The following NDEL1 variants were observed in gnomAD, a reference collection of about 807,000 sequenced individuals.
NDEL1 encodes nuclear distribution protein nudE-like 1.
NDEL1 carries 9 observed loss-of-function variants against 45.7 expected under a neutral mutation model. That is an observed-to-expected ratio of 0.20 (90% CI 0.12 to 0.34). The LOEUF (loss-of-function observed/expected upper bound fraction) is 0.34. Ranked by LOEUF, NDEL1 falls within the 10% of genes least tolerant of loss-of-function variation. The pLI, the probability that NDEL1 is intolerant of heterozygous loss-of-function variation, is 1.00. For missense variants in NDEL1, 306 were observed against 406.2 expected (o/e 0.75, Z 2.12); for synonymous variants, 133 against 158.6 (o/e 0.84, Z 1.21).
At chr17:8,460,770 A>G (rs913223916) in intron 8 of NDEL1, among the ~76,000 whole-genome samples, 1 of 152,202 alleles carries the variant, frequency 6.6e-6, no homozygotes, top group Non-Finnish European at 1.5e-5. Context: ...CATTCCTTAC[A>G]GTTATTCCAA....
chr17:8,467,047 T>C lies in NDEL1; in HGVS notation c.*24T>C. The C allele has an allele frequency of 6.2e-7, 1 of 1,611,288 alleles. No individual in the cohort carries two copies. ...GAGTGCCTAGCCTCCAGGTGGGGGC[T>C]CCTGCCCTCCTCCAACAACCCAGGA... On this transcript the variant is annotated 3_prime_UTR_variant, in exon 9 of 9. Coordinates refer to ENST00000334527, the MANE Select transcript of NDEL1 (RefSeq NM_030808.5). The surrounding 1 kb of genome is among the most constrained non-coding windows in gnomAD (Gnocchi z 6.3).
rs969135695 is a variant in NDEL1, at chr17:8,465,150, C to T, written c.945-1780C>T. ...CATTTGTGGGGCCTGCCTGGTTGTC[C>T]CTGAGGTTTCTAGGAGAAGCAGGTG... On this transcript the variant is annotated intron_variant, in intron 8 of 8. Coordinates refer to ENST00000334527, the MANE Select transcript of NDEL1 (RefSeq NM_030808.5). The surrounding 1 kb of genome is among the most constrained non-coding windows in gnomAD (Gnocchi z 4.9). 3 of 152,212 alleles carry T rather than the reference C, an allele frequency of 2.0e-5. No individual in the cohort carries two copies. Among genetic ancestry groups the T allele is most frequent in the Non-Finnish European group, 2.9e-5 (2 of 68,082 alleles). The allele number at this position is 152,212 out of a possible 1,614,324, so 9.4% of individuals were successfully genotyped here.
chr17:8,460,293 T>C, intron 8 of NDEL1, 133 bp downstream of exon 8: 1 of 977,230 alleles, frequency 1.0e-6, no homozygotes. Context: ...ATTCTAATCT[T>C]AGGTGACATG....
chr17:8,444,410 G>A, intron 2 of NDEL1, 53 bp downstream of exon 2: 1 of 1,171,648 alleles, frequency 8.5e-7, no homozygotes, highest in East Asian at 2.4e-5. Flanking sequence ...AATACACCGT[G>A]TCTTGTTTGT....
chr17:8,473,207 G>A (rs1457236521), intron 3 of NDEL1, among the ~76,000 whole-genome samples: 2 of 151,334 alleles, frequency 1.3e-5, no homozygotes, highest in African/African-American at 4.9e-5. Context: ...TTTTTGAGAC[G>A]GAGTCGCCCT....
At chr17:8,433,172 G>A (rs1217013255), upstream of NDEL1, among the ~76,000 whole-genome samples, 1 of 151,628 alleles carries the variant, frequency 6.6e-6, no homozygotes, top group Non-Finnish European at 1.5e-5. Flanking sequence ...CTCTGTTCTT[G>A]TCAGCAGCTG....
At chr17:8,457,459 G>C (rs1910917661) in intron 7 of NDEL1, among the ~76,000 whole-genome samples, 1 of 152,194 alleles carries the variant, frequency 6.6e-6, no homozygotes, top group South Asian at 2.1e-4. Context: ...CGTCTTCTAA[G>C]AGTTATCAAA....
intron 7 of NDEL1, among the ~76,000 whole-genome samples, chr17:8,456,186 CTCA>C (rs765046458): frequency 9.9e-5 from 15 of 152,264 alleles, no homozygotes; most frequent in Non-Finnish European, 4.4e-5. Context: ...CCTGTTTCAG[CTCA>C]TCATAGGGGT....
At position 8,450,860 on chromosome 17, in the gene NDEL1, T is replaced by A; in HGVS notation, c.607T>A (p.Cys203Ser). 1 of 1,613,732 alleles carries A rather than the reference T, an allele frequency of 6.2e-7. No individual in the cohort carries two copies. Among genetic ancestry groups the A allele is most frequent in the Non-Finnish European group, 8.5e-7 (1 of 1,179,892 alleles). ...GGCTCCTAGCTCTCCAACTCTAGACTGTGAAAAGATGGACTCCGCCGTCCA... is the reference window on the plus strand; with the variant it reads ...GGCTCCTAGCTCTCCAACTCTAGACAGTGAAAAGATGGACTCCGCCGTCCA... ...KSAPSSPTLDCEKMDSAVQAS... is the reference protein window; with the variant it reads ...KSAPSSPTLDSEKMDSAVQAS... The change falls in exon 6 of 9, where the codon TGT (cysteine) becomes AGT (serine). Residue 203 changes from cysteine to serine, a missense_variant. Physicochemically the swap from Cys to Ser is moderately radical, Grantham distance 112 (BLOSUM62 -1). Around this residue, in one of 3 missense-constraint regions of NDEL1, gnomAD observed 175 missense variants for 205.2 expected, o/e 0.85. Coordinates refer to ENST00000334527, the MANE Select transcript of NDEL1 (RefSeq NM_030808.5).
upstream of NDEL1, among the ~76,000 whole-genome samples, chr17:8,431,593 A>G (rs1207910438): frequency 6.6e-6 from 1 of 152,194 alleles, no homozygotes; most frequent in African/African-American, 2.4e-5. Flanking sequence ...GAGTTAGACA[A>G]TTCGAACAGG....
chr17:8,454,341 T>C (rs776606139), intron 6 of NDEL1, among the ~76,000 whole-genome samples: 1 of 151,364 alleles, frequency 6.6e-6, no homozygotes, highest in South Asian at 2.1e-4. Context: ...GACTAGTTAC[T>C]ATGGAAATAG....
At chr17:8,457,408 A>G (rs1003181925) in intron 7 of NDEL1, among the ~76,000 whole-genome samples, 1 of 148,816 alleles carries the variant, frequency 6.7e-6, no homozygotes, top group Non-Finnish European at 1.5e-5. Flanking sequence ...TGAAAGTTTA[A>G]TTTGGCATCC....
chr17:8,458,688 A>G (rs1027186855), intron 7 of NDEL1, among the ~76,000 whole-genome samples: 2 of 151,962 alleles, frequency 1.3e-5, no homozygotes, highest in African/African-American at 4.8e-5. Context: ...TACTTTTGTC[A>G]TAGGAAAGAA....
chr17:8,428,894 C>T (rs539740508), intron 1 of NDEL1, among the ~76,000 whole-genome samples: 14 of 151,898 alleles, frequency 9.2e-5, no homozygotes, highest in East Asian at 7.8e-4. Context: ...AAGATGGTCT[C>T]GATCTCCTGA....
Position 8,467,346 on chromosome 17 carries a change from C to T in NDEL1, c.*323C>T. 1.9e-6 allele frequency: 1 copy of T among 538,666 alleles called. No homozygotes were observed. Among genetic ancestry groups the T allele is most frequent in the Admixed American group, 3.6e-5 (1 of 27,914 alleles). 33.4% of individuals were successfully genotyped at this position (538,666 alleles called of 1,614,324 possible). Reference sequence around the variant, plus strand: ...CCCATTCATCACACCTGCCCCATAGCCCCCACTCTGCTGTACTGATAGGAT... The same window carrying T: ...CCCATTCATCACACCTGCCCCATAGTCCCCACTCTGCTGTACTGATAGGAT... On this transcript the variant is annotated 3_prime_UTR_variant, in exon 9 of 9. Coordinates refer to ENST00000334527, the MANE Select transcript of NDEL1 (RefSeq NM_030808.5). The surrounding 1 kb of genome is among the most constrained non-coding windows in gnomAD (Gnocchi z 6.3).
chr17:8,428,779 T>TAA (rs775028638), intron 1 of NDEL1, among the ~76,000 whole-genome samples: 29 of 152,044 alleles, frequency 1.9e-4, no homozygotes, highest in Non-Finnish European at 3.7e-4. Flanking sequence ...GTTCACACCA[T>TAA]TCTCCTGCCT....
chr17:8,413,157 C>T (rs1248822087), exon 1 of NDEL1: 1 of 123,700 alleles, frequency 8.1e-6, no homozygotes, highest in Non-Finnish European at 1.7e-5. Context: ...TATCTTTGGT[C>T]GGACGGTGAT....
chr17:8,436,079 G>T, intron 1 of NDEL1, 34 bp downstream of exon 1: 1 of 358,812 alleles, frequency 2.8e-6, no homozygotes, highest in Admixed American at 3.7e-5. Context: ...TCCCTAAGGG[G>T]CTGCGCTGGG....
At chr17:8,413,688 T>C (rs1908477880) in intron 1 of NDEL1, among the ~76,000 whole-genome samples, 1 of 152,222 alleles carries the variant, frequency 6.6e-6, no homozygotes, top group Non-Finnish European at 1.5e-5. Context: ...CTTGCGATCA[T>C]GTCCTGGGAC....
Sources: allele counts gnomAD v4.1 joint callset (sites outside exome capture counted in the v4.1 genomes callset), GRCh38; gene constraint gnomAD v4.1.1; regional missense constraint gnomAD v4.1.1; non-coding constraint Gnocchi (gnomAD v3.1); transcripts MANE v1.5; gene names NCBI Gene and HGNC (gene_info 2026-07-23, HGNC 2026-07-21).